The following GAB2 variants were observed in gnomAD, a reference collection of about 807,000 sequenced individuals.
GAB2 encodes GRB2-associated-binding protein 2.
Under a neutral mutation model 65.5 loss-of-function variants are expected in GAB2, and 26 were observed. The ratio of observed to expected loss-of-function variants is 0.40; its 90% confidence interval spans 0.29 to 0.55. The LOEUF (loss-of-function observed/expected upper bound fraction) is 0.55, where lower values mean the gene tolerates loss of function less well. Ranked by LOEUF, GAB2 falls within the 20% of genes least tolerant of loss-of-function variation. GAB2 has a pLI of 0.53. For synonymous variants in GAB2, 321 were observed against 329.6 expected, an observed-to-expected ratio of 0.97 and a Z score of 0.28; for missense variants, 884 against 875.8, an observed-to-expected ratio of 1.01 and a Z score of -0.12.
Position 78,221,683 on chromosome 11 carries a change from G to C in GAB2, c.1755C>G (p.Val585=), listed in dbSNP as rs1864431191. 6.2e-7 allele frequency: 1 copy of C among 1,607,550 alleles called. No individual in the cohort carries two copies. Among genetic ancestry groups the C allele is most frequent in the African/African-American group, 1.3e-5 (1 of 74,904 alleles). Residue 585 remains valine (V), a synonymous_variant, in exon 8 of 10, where the codon GTC becomes GTG. Coordinates refer to ENST00000361507, the MANE Select transcript of GAB2 (RefSeq NM_080491.3). ...TDSGDSEENY[V]PMQNPVSASP... ...CGAAGCCCGAAGGACTCACCATAGG[G>C]ACATAGTTCTCTTCGCTGTCTCCTG... is the stretch of plus-strand genomic sequence containing the variant.
At chr11:78,370,606 T>A (rs1483182118) in intron 1 of GAB2, among the ~76,000 whole-genome samples, 13 of 152,078 alleles carry the variant, frequency 8.5e-5, no homozygotes, top group Non-Finnish European at 4.4e-5. Context: ...CAAGGCTATA[T>A]GCATCAACAA....
At chr11:78,359,236 G>T (rs1443480469) in intron 1 of GAB2, among the ~76,000 whole-genome samples, 1 of 152,088 alleles carries the variant, frequency 6.6e-6, no homozygotes, top group East Asian at 1.9e-4. Context: ...ATACCAAACC[G>T]CATATCCAGT....
chr11:78,266,186 G>C (rs1480891150), intron 2 of GAB2, among the ~76,000 whole-genome samples: 1 of 131,870 alleles, frequency 7.6e-6, no homozygotes, highest in Admixed American at 8.8e-5. Flanking sequence ...CTGCACTCCA[G>C]CCTGGGTGAC....
chr11:78,332,181 T>G (rs369437423), intron 1 of GAB2, among the ~76,000 whole-genome samples: 1 of 152,182 alleles, frequency 6.6e-6, no homozygotes, highest in Non-Finnish European at 1.5e-5. Flanking sequence ...AATGGGCAGA[T>G]TATGTCCAAG....
intron 1 of GAB2, among the ~76,000 whole-genome samples, chr11:78,347,752 T>C (rs2134699950): frequency 6.6e-6 from 1 of 152,236 alleles, no homozygotes; most frequent in South Asian, 2.1e-4. Flanking sequence ...AAAGAAAAAC[T>C]GAAAACTAAG....
Position 78,222,148 on chromosome 11 carries a change from G to A in GAB2, c.1615C>T (p.Leu539Phe). Residue 539 changes from leucine to phenylalanine, a missense_variant, in exon 7 of 10, where the codon CTC becomes TTC. Leu to Phe is a conservative substitution (Grantham distance 22). Transcript: ENST00000361507. ...DLRNNTVIDE[L>F]PFKSPITKSW... is the part of the protein sequence containing the mutation. ...TTGGTGATAGGTGACTTGAAGGGGAGTTCATCGATGACGGTGTTGTTCCTC... is the reference window on the plus strand; with the variant it reads ...TTGGTGATAGGTGACTTGAAGGGGAATTCATCGATGACGGTGTTGTTCCTC... 1 of 1,614,014 alleles carries A rather than the reference G, an allele frequency of 6.2e-7. No homozygotes were observed. Among genetic ancestry groups the A allele is most frequent in the Non-Finnish European group, 8.5e-7 (1 of 1,179,862 alleles).
Position 78,226,771 on chromosome 11 carries a change from T to G in GAB2, c.901A>C (p.Thr301Pro). The G allele has an allele frequency of 6.2e-7, 1 of 1,613,904 alleles. No homozygotes were observed. The highest frequency in any genetic ancestry group is 8.5e-7 in the Non-Finnish European group (1 of 1,179,900). The change falls in exon 4 of 10, where the codon ACC becomes CCC. Residue 301 changes from threonine (T) to proline (P), a missense_variant. Transcript: ENST00000361507. ...DVYTFKTPSN[T>P]LCREFGDLLV... ...AGGTCCCCGAACTCCCTGCACAGGGTGTTGCTGGGCGTCTTGAAGGTGTAC... is the reference window on the plus strand; with the variant it reads ...AGGTCCCCGAACTCCCTGCACAGGGGGTTGCTGGGCGTCTTGAAGGTGTAC...
Position 78,250,303 on chromosome 11 carries a change from G to C in GAB2, c.474C>G (p.Ser158=). 1 of 1,613,714 alleles carries C rather than the reference G, an allele frequency of 6.2e-7. No individual in the cohort carries two copies. The highest frequency in any genetic ancestry group is 1.1e-5 in the South Asian group (1 of 91,020). The change falls in exon 3 of 10, where the codon TCC becomes TCG. Residue 158 remains serine (S), a synonymous_variant. Coordinates refer to ENST00000361507, the MANE Select transcript of GAB2 (RefSeq NM_080491.3). ...GCTGGCTGGAGTGTGATGGGGCTGAGGACTTGCGCTCTCGGAGAAGGTGCT... is the reference window on the plus strand; with the variant it reads ...GCTGGCTGGAGTGTGATGGGGCTGACGACTTGCGCTCTCGGAGAAGGTGCT... ...SSQHLLRERK[S]SAPSHSSQPT...
At chr11:78,234,416 G>A (rs1257179729) in intron 3 of GAB2, among the ~76,000 whole-genome samples, 4 of 152,036 alleles carry the variant, frequency 2.6e-5, no homozygotes, top group African/African-American at 7.2e-5. Flanking sequence ...TTACATTTAT[G>A]TCTCTGATAC....
chr11:78,309,971 T>TGTGTGTGCGC (rs1421836447), intron 1 of GAB2, among the ~76,000 whole-genome samples: 2 of 120,090 alleles, frequency 1.7e-5, no homozygotes, highest in African/African-American at 7.1e-5. Flanking sequence ...TGTGTGTGTG[T>TGTGTGTGCGC]GCGCGCGCGC....
Position 78,250,417 on chromosome 11 carries a change from G to C in GAB2, c.377-17C>G. 1 of 1,608,388 alleles carries C rather than the reference G, an allele frequency of 6.2e-7. No homozygotes were observed. Among genetic ancestry groups the C allele is most frequent in the Non-Finnish European group, 8.5e-7 (1 of 1,174,914 alleles). ...TCAGGGAGTCTGAAAAGGAGAAATAGCTCTGTGAATGAAAAAGGAAGGAAA... is the reference window on the plus strand; with the variant it reads ...TCAGGGAGTCTGAAAAGGAGAAATACCTCTGTGAATGAAAAAGGAAGGAAA... On this transcript the variant is annotated splice_polypyrimidine_tract_variant and intron_variant, in intron 2 of 9. Coordinates refer to ENST00000361507, the MANE Select transcript of GAB2 (RefSeq NM_080491.3).
Position 78,226,558 on chromosome 11 carries a change from T to C in GAB2, c.1114A>G (p.Arg372Gly), listed in dbSNP as rs1325894559. Residue 372 changes from arginine (R) to glycine (G), a missense_variant, in exon 4 of 10, where the codon AGA becomes GGA. Arg to Gly is a moderately radical substitution (Grantham distance 125). Transcript: ENST00000361507. Reference sequence around the variant, plus strand: ...CTGCTATTTTCACTGATTGGCGGTCTCTGCTGAGGACTGCCCCATCGAGGT... The same window carrying C: ...CTGCTATTTTCACTGATTGGCGGTCCCTGCTGAGGACTGCCCCATCGAGGT... Reference protein sequence around the residue: ...ETPRWGSPQQRPPISENSRSV... With the variant: ...ETPRWGSPQQGPPISENSRSV... 3 of 1,575,190 alleles carry C rather than the reference T, an allele frequency of 1.9e-6. No homozygotes were observed. The highest frequency in any genetic ancestry group is 2.6e-6 in the Non-Finnish European group (3 of 1,158,090).
rs1864294655 is a variant in GAB2 at position 78,219,212 on chromosome 11, G to A, written c.*60C>T. 6.6e-7 allele frequency: 1 copy of A among 1,512,568 alleles called. No individual in the cohort carries two copies. The highest frequency in any genetic ancestry group is 1.7e-5 in the Admixed American group (1 of 58,794). 93.7% of individuals were successfully genotyped at this position (1,512,568 alleles called of 1,614,324 possible). A position where few individuals can be genotyped will look rare whatever the true frequency, so the allele number is the denominator to read the frequency against. ...GAGGAAGAACGGGAGAGGGGAGAGG[G>A]GAGATGGGAAGGGCCAGCTCTGGAG... is the stretch of plus-strand genomic sequence containing the variant. On this transcript the variant is annotated 3_prime_UTR_variant, in exon 10 of 10. Transcript: ENST00000361507.
intron 1 of GAB2, among the ~76,000 whole-genome samples, chr11:78,412,031 A>AAAC (rs373083805): frequency 0.053 from 8,043 of 150,738 alleles, 445 homozygotes; most frequent in African/African-American, 0.15. Context: ...ATCTGTCTAA[A>AAAC]AACAACAACA....
At chr11:78,288,016 TAA>T (rs1866534468) in intron 1 of GAB2, among the ~76,000 whole-genome samples, 1 of 148,962 alleles carries the variant, frequency 6.7e-6, no homozygotes, top group Non-Finnish European at 1.5e-5. Flanking sequence ...AAAACATATA[TAA>T]AAGGTATACT....
chr11:78,337,297 A>G (rs576250211), intron 1 of GAB2, among the ~76,000 whole-genome samples: 2 of 152,334 alleles, frequency 1.3e-5, no homozygotes, highest in African/African-American at 4.8e-5. Context: ...AGAAATAAGG[A>G]CAGGGCAAAA....
Position 78,369,996 on chromosome 11 carries a change from G to A in GAB2, c.75+47650C>T, listed in dbSNP as rs563806988. Among the ~76,000 whole-genome samples, 4 of 152,172 alleles carry A rather than the reference G, an allele frequency of 2.6e-5. No individual in the cohort carries two copies. In the South Asian group the frequency reaches 8.3e-4, roughly 32 times the overall value. ...ATACTGGCCGGGCGCGGTGGCTCACGCCTGTAATCCCAGCACTTTGGGAGG... is the reference window on the plus strand; with the variant it reads ...ATACTGGCCGGGCGCGGTGGCTCACACCTGTAATCCCAGCACTTTGGGAGG... On this transcript the variant is annotated intron_variant, in intron 1 of 9. Coordinates refer to ENST00000361507, the MANE Select transcript of GAB2 (RefSeq NM_080491.3).
At chr11:78,369,114 GGTGACAGA>G (rs1194685809) in intron 1 of GAB2, among the ~76,000 whole-genome samples, 3 of 150,166 alleles carry the variant, frequency 2.0e-5, no homozygotes, top group African/African-American at 7.4e-5. Context: ...CTCCAGCCTG[GGTGACAGA>G]GTGACAGAGA....
At chr11:78,365,497 G>C (rs1856484803) in intron 1 of GAB2, among the ~76,000 whole-genome samples, 1 of 152,196 alleles carries the variant, frequency 6.6e-6, no homozygotes, top group Non-Finnish European at 1.5e-5. Flanking sequence ...GCAGGGGCTG[G>C]CCTCCAGTTT....
Sources: allele counts gnomAD v4.1 joint callset (sites outside exome capture counted in the v4.1 genomes callset), GRCh38; gene constraint gnomAD v4.1.1; transcripts MANE v1.5; gene names NCBI Gene and HGNC (gene_info 2026-07-23, HGNC 2026-07-21).